The following ANKRD6 variants were observed in gnomAD, a reference collection of about 807,000 sequenced individuals.
The protein encoded by ANKRD6 is ankyrin repeat domain-containing protein 6.
In ANKRD6, 56 loss-of-function variants were observed where a neutral mutation model predicts 82.3. That is an observed-to-expected ratio of 0.68 (90% CI 0.55 to 0.85). ANKRD6 has a LOEUF of 0.85. Among genes scored for constraint, ANKRD6 ranks in the 40% least tolerant of loss-of-function variants. The probability of loss-of-function intolerance (pLI) is 0.00; values close to 1 mark genes in which losing one functional copy is unlikely to be tolerated. For synonymous variants in ANKRD6, 347 were observed against 352.1 expected, an observed-to-expected ratio of 0.99 and a Z score of 0.16; for missense variants, 852 against 907.6, an observed-to-expected ratio of 0.94 and a Z score of 0.79.
intron 1 of ANKRD6, among the ~76,000 whole-genome samples, chr6:89,514,395 T>C (rs933474459): frequency 6.6e-6 from 1 of 151,950 alleles, no homozygotes; most frequent in Non-Finnish European, 1.5e-5. Context: ...AAAATTTTTT[T>C]GGAGTTTTTG....
intron 1 of ANKRD6, among the ~76,000 whole-genome samples, chr6:89,548,902 C>T (rs1002815884): frequency 1.3e-5 from 2 of 152,124 alleles, no homozygotes; most frequent in Non-Finnish European, 2.9e-5. Flanking sequence ...TTCCAAAACT[C>T]GTGTTGAAAT....
intron 1 of ANKRD6, among the ~76,000 whole-genome samples, chr6:89,506,759 C>A (rs963919364): frequency 1.3e-5 from 2 of 152,230 alleles, no homozygotes; most frequent in Non-Finnish European, 2.9e-5. Flanking sequence ...CCTAATTTTG[C>A]ACAGGTGACT....
At chr6:89,612,480 T>C in intron 6 of ANKRD6, 110 bp downstream of exon 6, 1 of 1,144,136 alleles carries the variant, frequency 8.7e-7, no homozygotes, top group Non-Finnish European at 1.2e-6. Flanking sequence ...ATGTAAAAAG[T>C]ATTTGGGGAC....
intron 12 of ANKRD6, 158 bp from the exon 13 acceptor site, chr6:89,624,381 A>C: frequency 1.1e-6 from 1 of 937,136 alleles, no homozygotes. Context: ...TACACCCAAA[A>C]TTTGGCCTAT....
At chr6:89,497,460 T>C (rs1778758890) in intron 1 of ANKRD6, among the ~76,000 whole-genome samples, 2 of 152,176 alleles carry the variant, frequency 1.3e-5, no homozygotes, top group Non-Finnish European at 2.9e-5. Flanking sequence ...TCTTTTTCTA[T>C]TTATAATTTT....
At chr6:89,452,729 C>A (rs1773005161) in intron 1 of ANKRD6, among the ~76,000 whole-genome samples, 1 of 152,080 alleles carries the variant, frequency 6.6e-6, no homozygotes, top group African/African-American at 2.4e-5. Flanking sequence ...CCAAACCTGG[C>A]TGAATTACCT....
intron 2 of ANKRD6, among the ~76,000 whole-genome samples, chr6:89,591,798 A>G (rs943799313): frequency 2.0e-5 from 3 of 152,214 alleles, no homozygotes; most frequent in African/African-American, 7.2e-5. Context: ...AGACAGCTTC[A>G]GCTTCTATAG....
chr6:89,589,420 G>A (rs1794441358), intron 2 of ANKRD6, among the ~76,000 whole-genome samples: 1 of 152,210 alleles, frequency 6.6e-6, no homozygotes, highest in Admixed American at 6.5e-5. Context: ...ATCCAGGAAG[G>A]AGGCTGAGCA....
intron 1 of ANKRD6, among the ~76,000 whole-genome samples, chr6:89,447,651 C>A (rs980029624): frequency 1.3e-5 from 2 of 152,176 alleles, no homozygotes; most frequent in Non-Finnish European, 2.9e-5. Flanking sequence ...GATGAAACAG[C>A]CTTCTACTGG....
At chr6:89,496,548 A>C (rs1342673490) in intron 1 of ANKRD6, among the ~76,000 whole-genome samples, 1 of 152,012 alleles carries the variant, frequency 6.6e-6, no homozygotes, top group Non-Finnish European at 1.5e-5. Flanking sequence ...TTTGAGATGG[A>C]GTCTCTCTCT....
intron 1 of ANKRD6, among the ~76,000 whole-genome samples, chr6:89,452,526 G>C (rs1772968559): frequency 6.6e-6 from 1 of 152,208 alleles, no homozygotes; most frequent in Non-Finnish European, 1.5e-5. Flanking sequence ...ATTCATTAAG[G>C]CTGAATGTAT....
intron 1 of ANKRD6, among the ~76,000 whole-genome samples, chr6:89,526,403 C>A (rs779114033): frequency 6.6e-6 from 1 of 152,198 alleles, no homozygotes; most frequent in African/African-American, 2.4e-5. Flanking sequence ...CATCTATGAA[C>A]TCTCAAGAAA....
intron 1 of ANKRD6, among the ~76,000 whole-genome samples, chr6:89,445,845 G>A (rs766207543): frequency 4.0e-5 from 6 of 151,762 alleles, no homozygotes; most frequent in Non-Finnish European, 8.8e-5. Context: ...CTCCCAAAGT[G>A]CTAGGTACAG....
In ANKRD6 at chr6:89,630,737, C is replaced by T; in HGVS notation, c.1917C>T (p.Ser639=). ...TRHRAQQPAA[S]STCGQPPPAT... ...ATCGTGCCCAGCAACCCGCAGCCAGCAGCACCTGTGGGCAGCCGCCACCAG... is the reference window on the plus strand; with the variant it reads ...ATCGTGCCCAGCAACCCGCAGCCAGTAGCACCTGTGGGCAGCCGCCACCAG... Residue 639 remains serine (S), a synonymous_variant, in exon 16 of 16, where the codon AGC becomes AGT. Coordinates refer to ENST00000339746, the MANE Select transcript of ANKRD6 (RefSeq NM_001242809.2). 1 of 1,613,854 alleles carries T rather than the reference C, an allele frequency of 6.2e-7. No individual in the cohort carries two copies. Among genetic ancestry groups the T allele is most frequent in the Non-Finnish European group, 8.5e-7 (1 of 1,179,878 alleles).
chr6:89,490,357 G>C (rs1220226919), intron 1 of ANKRD6, among the ~76,000 whole-genome samples: 1 of 152,234 alleles, frequency 6.6e-6, no homozygotes, highest in Non-Finnish European at 1.5e-5. Context: ...GTGTTGTGTA[G>C]TACACAAATA....
chr6:89,433,247 CGCTGGGCGGCGCCGAG>C lies in ANKRD6; in HGVS notation c.-269_-254del, dbSNP rs1404620902. On this transcript the variant is annotated 5_prime_UTR_variant, in exon 1 of 16. Transcript: ENST00000339746. This position sits in a 1 kb window ranked among gnomAD's most constrained non-coding sequence, Gnocchi z 4.3. ...GGCGCGCGGGCGGCTGGAGGCACGG[CGCTGGGCGGCGCCGAG>C]GCCCTGGGGCCGCCGGAGCCAGCGG... The C allele has an allele frequency of 6.6e-6, 1 of 151,810 alleles. No individual in the cohort carries two copies. Among genetic ancestry groups the C allele is most frequent in the Non-Finnish European group, 1.5e-5 (1 of 67,984 alleles). The allele number at this position is 151,810 out of a possible 1,614,324, so 9.4% of individuals were successfully genotyped here.
At position 89,616,587 on chromosome 6, in the gene ANKRD6, C is replaced by G. The variant is rs1801644194; in HGVS notation, c.644C>G (p.Ala215Gly). Residue 215 changes from alanine to glycine, a missense_variant, in exon 8 of 16, where the codon GCT (alanine) becomes GGT (glycine). By Grantham distance (60) the Ala-to-Gly change is moderately conservative (BLOSUM62 0). Coordinates refer to ENST00000339746, the MANE Select transcript of ANKRD6 (RefSeq NM_001242809.2). ...GGAGACACAGCACTTCACGTTGCTG[C>G]TGCCCTAAATCACAAGAAGGTGGCC... ...QAGDTALHVA[A>G]ALNHKKVAKI... 6.2e-7 allele frequency: 1 copy of G among 1,613,932 alleles called. No individual in the cohort carries two copies. Among genetic ancestry groups the G allele is most frequent in the South Asian group, 1.1e-5 (1 of 91,088 alleles).
chr6:89,525,123 G>T (rs570560615), intron 1 of ANKRD6, among the ~76,000 whole-genome samples: 1 of 151,914 alleles, frequency 6.6e-6, no homozygotes, highest in East Asian at 1.9e-4. Context: ...ATGAAACCCT[G>T]TCTCTACTAA....
chr6:89,488,232 C>T (rs907805274), intron 1 of ANKRD6, among the ~76,000 whole-genome samples: 1 of 152,236 alleles, frequency 6.6e-6, no homozygotes, highest in African/African-American at 2.4e-5. Context: ...TTGTTCTCAG[C>T]AGTCCACCCA....
Sources: allele counts gnomAD v4.1 joint callset (sites outside exome capture counted in the v4.1 genomes callset), GRCh38; gene constraint gnomAD v4.1.1; non-coding constraint Gnocchi (gnomAD v3.1); transcripts MANE v1.5; gene names NCBI Gene and HGNC (gene_info 2026-07-23, HGNC 2026-07-21).